DAPK1: variants seen among roughly 807,000 people sequenced by gnomAD.
DAPK1 encodes death-associated protein kinase 1.
Under a neutral mutation model 144.9 loss-of-function variants are expected in DAPK1, and 56 were observed. The ratio of observed to expected loss-of-function variants is 0.39; its 90% CI spans 0.31 to 0.48. The LOEUF is 0.48. DAPK1 is among the 20% of genes least tolerant of loss of function. The probability of loss-of-function intolerance (pLI) is 0.95; values close to 1 mark genes in which losing one functional copy is unlikely to be tolerated. For missense variants in DAPK1, 1,454 were observed against 1,875.4 expected (o/e 0.78, Z 4.15); for synonymous variants, 690 against 749.0 (o/e 0.92, Z 1.29).
At chr9:87,668,707 T>G in intron 19 of DAPK1, 33 bp downstream of exon 19, 2 of 925,638 alleles carry the variant, frequency 2.2e-6, no homozygotes, top group Non-Finnish European at 3.6e-6. Flanking sequence ...TGAAGTTCTC[T>G]ACCTGTGTTT....
chr9:87,539,093 A>C (rs1825953020), intron 2 of DAPK1, among the ~76,000 whole-genome samples: 1 of 151,348 alleles, frequency 6.6e-6, no homozygotes, highest in South Asian at 2.1e-4. Context: ...CTACATATAT[A>C]AAAATATATG....
chr9:87,653,909 G>T (rs868799413), intron 17 of DAPK1, among the ~76,000 whole-genome samples: 8 of 152,064 alleles, frequency 5.3e-5, no homozygotes, highest in Admixed American at 1.3e-4. Flanking sequence ...GGCCAGGCTG[G>T]TCTCGAACTC....
At chr9:87,583,926 C>T (rs1401038885) in intron 2 of DAPK1, among the ~76,000 whole-genome samples, 2 of 152,224 alleles carry the variant, frequency 1.3e-5, no homozygotes, top group Non-Finnish European at 2.9e-5. Context: ...AGAAAATCCA[C>T]TTCCCAAGGA....
intron 2 of DAPK1, among the ~76,000 whole-genome samples, chr9:87,603,149 AC>A (rs932725690): frequency 7.2e-4 from 109 of 152,040 alleles, no homozygotes; most frequent in South Asian, 3.3e-3. Context: ...CCTGGTGGGG[AC>A]ACAATAACAT....
chr9:87,516,799 G>C (rs1272758010), intron 2 of DAPK1, among the ~76,000 whole-genome samples: 1 of 152,098 alleles, frequency 6.6e-6, no homozygotes, highest in Non-Finnish European at 1.5e-5. Context: ...CGGTGGATTG[G>C]AGAAGCTTGA....
At chr9:87,680,921 G>A (rs954074500) in intron 19 of DAPK1, among the ~76,000 whole-genome samples, 4 of 152,168 alleles carry the variant, frequency 2.6e-5, no homozygotes, top group Admixed American at 2.0e-4. Context: ...TTTCACAGTT[G>A]AAAATGGTGA....
chr9:87,692,151 A>G (rs932296234), intron 21 of DAPK1, among the ~76,000 whole-genome samples: 12 of 152,198 alleles, frequency 7.9e-5, no homozygotes, highest in African/African-American at 2.6e-4. Context: ...TGCTGTAAAT[A>G]TCTGCATGCT....
At chr9:87,680,621 AAAT>A (rs1342226823) in intron 19 of DAPK1, among the ~76,000 whole-genome samples, 1 of 149,774 alleles carries the variant, frequency 6.7e-6, no homozygotes, top group Non-Finnish European at 1.5e-5. Flanking sequence ...ATAAATTTCT[AAAT>A]AAAGTGTGGG....
rs1830343706 is a variant in DAPK1, at chr9:87,648,666, G to A, written c.1330-115G>A. On this transcript the variant is annotated intron_variant, in intron 14 of 25. Transcript: ENST00000408954. ...GGGCATCTGCCCAAGGTGGGTGGGT[G>A]GAACCAAAGGGGACAGAGTGGAACC... The A allele has an allele frequency of 6.6e-6, 6 of 911,064 alleles. No individual in the cohort carries two copies. The East Asian group carries it at 1.2e-4, about 19-fold the overall frequency. 56.4% of individuals were successfully genotyped at this position (911,064 alleles called of 1,614,324 possible).
chr9:87,693,926 G>A (rs1035853752), intron 21 of DAPK1, among the ~76,000 whole-genome samples: 1 of 152,148 alleles, frequency 6.6e-6, no homozygotes. Flanking sequence ...GGGATACCAC[G>A]TGGGCCAGTC....
rs1374495241 is a variant in DAPK1 at position 87,707,867 on chromosome 9, A to G, written c.*503A>G. 8.8e-6 allele frequency: 4 copies of G among 456,760 alleles called. No individual in the cohort carries two copies. The highest frequency in any genetic ancestry group is 1.8e-5 in the Non-Finnish European group (4 of 227,032). The allele number at this position is 456,760 out of a possible 1,614,324, so 28.3% of individuals were successfully genotyped here. Reference sequence around the variant, plus strand: ...ACTCCCATGTATGGAATCCCACTGTATGATTTATAAACAGACAATATGTGA... The same window carrying G: ...ACTCCCATGTATGGAATCCCACTGTGTGATTTATAAACAGACAATATGTGA... On this transcript the variant is annotated 3_prime_UTR_variant, in exon 26 of 26. Transcript: ENST00000408954. The surrounding 1 kb of genome is among the most constrained non-coding windows in gnomAD (Gnocchi z 4.0).
chr9:87,528,063 G>T (rs748615552), intron 2 of DAPK1, among the ~76,000 whole-genome samples: 6 of 152,206 alleles, frequency 3.9e-5, no homozygotes, highest in Non-Finnish European at 7.3e-5. Flanking sequence ...CAAGCCACTT[G>T]CACTGACACT....
intron 18 of DAPK1, among the ~76,000 whole-genome samples, chr9:87,663,426 T>C (rs924105741): frequency 2.6e-5 from 4 of 151,898 alleles, no homozygotes; most frequent in African/African-American, 7.3e-5. Flanking sequence ...TCCCGCCCAC[T>C]GTGAGCCCCT....
At chr9:87,606,848 G>C (rs963170933) in intron 3 of DAPK1, among the ~76,000 whole-genome samples, 8 of 129,480 alleles carry the variant, frequency 6.2e-5, no homozygotes, top group East Asian at 5.1e-4. Flanking sequence ...TTCCAAATCA[G>C]CAGTTCTCAA....
chr9:87,659,227 T>C (rs1306799213), intron 18 of DAPK1, among the ~76,000 whole-genome samples: 1 of 152,174 alleles, frequency 6.6e-6, no homozygotes. Flanking sequence ...ATCTGTGCAG[T>C]GGGGGGCCCA....
chr9:87,664,379 C>T (rs987380348), intron 18 of DAPK1, among the ~76,000 whole-genome samples: 1 of 152,176 alleles, frequency 6.6e-6, no homozygotes, highest in Non-Finnish European at 1.5e-5. Flanking sequence ...CCACTTCTGC[C>T]CTGAGGGTAC....
At chr9:87,635,295 G>C (rs1298449659) in intron 3 of DAPK1, among the ~76,000 whole-genome samples, 1 of 152,088 alleles carries the variant, frequency 6.6e-6, no homozygotes, top group Admixed American at 6.5e-5. Flanking sequence ...CCAGCTGTGT[G>C]GGTGCTGGAA....
At chr9:87,656,026 G>A (rs1258927780) in intron 17 of DAPK1, among the ~76,000 whole-genome samples, 1 of 152,248 alleles carries the variant, frequency 6.6e-6, no homozygotes, top group Non-Finnish European at 1.5e-5. Flanking sequence ...AGCATCTCAT[G>A]TTGTCATTGC....
intron 2 of DAPK1, among the ~76,000 whole-genome samples, chr9:87,500,925 T>C (rs764297229): frequency 5.9e-5 from 9 of 152,224 alleles, no homozygotes; most frequent in Admixed American, 2.0e-4. Flanking sequence ...ATGTACAGAC[T>C]CATCTATCTT....
Sources: gnomAD v4.1 joint callset for allele counts (sites outside exome capture counted in the v4.1 genomes callset) on GRCh38, gnomAD v4.1.1 for gene constraint, Gnocchi (gnomAD v3.1) non-coding constraint, MANE v1.5 for transcripts, NCBI Gene and HGNC (gene_info 2026-07-23, HGNC 2026-07-21) for gene names.